SLC4A7: variants seen among roughly 807,000 people sequenced by gnomAD.
The protein encoded by SLC4A7 is solute carrier family 4 member 7.
Under a neutral mutation model 137.6 loss-of-function variants are expected in SLC4A7, and 51 were observed. The observed-to-expected ratio is 0.37, with a 90% CI of 0.30 to 0.47. The LOEUF is 0.47. Among genes scored for constraint, SLC4A7 ranks in the 20% least tolerant of loss-of-function variants. SLC4A7 has a pLI of 1.00. For synonymous variants in SLC4A7, 542 were observed against 518.6 expected, an observed-to-expected ratio of 1.05 and a Z score of -0.61; for missense variants, 1,247 against 1,525.4, an observed-to-expected ratio of 0.82 and a Z score of 3.04.
chr3:27,394,205 GAC>G (rs1438688666), intron 20 of SLC4A7, among the ~76,000 whole-genome samples: 1 of 151,978 alleles, frequency 6.6e-6, no homozygotes, highest in Non-Finnish European at 1.5e-5. Flanking sequence ...TTTTTATAGA[GAC>G]AGGGTCTCAT....
At chr3:27,420,622 A>G in intron 10 of SLC4A7, 78 bp downstream of exon 10, 1 of 860,328 alleles carries the variant, frequency 1.2e-6, no homozygotes. Context: ...ATGAAAGAAA[A>G]GAGAACTGTA....
intron 1 of SLC4A7, among the ~76,000 whole-genome samples, chr3:27,463,190 G>A (rs1030946111): frequency 1.3e-5 from 2 of 152,234 alleles, no homozygotes; most frequent in Non-Finnish European, 2.9e-5. Context: ...CACTTTGGGA[G>A]GTCAAGGAGG....
intron 16 of SLC4A7, 95 bp from the exon 17 acceptor site, chr3:27,398,448 G>GT: frequency 9.6e-7 from 1 of 1,047,040 alleles, no homozygotes; most frequent in Non-Finnish European, 1.4e-6. Context: ...GCAACTGATT[G>GT]TAAGAGGCAC....
intron 3 of SLC4A7, among the ~76,000 whole-genome samples, chr3:27,447,726 T>A (rs1228082995): frequency 6.8e-6 from 1 of 147,504 alleles, no homozygotes; most frequent in Admixed American, 7.0e-5. Context: ...CGTCATCAGA[T>A]AACAGTCTTG....
chr3:27,466,961 AGTTTT>A (rs774105638), intron 1 of SLC4A7, among the ~76,000 whole-genome samples: 20 of 152,322 alleles, frequency 1.3e-4, no homozygotes, highest in Non-Finnish European at 2.4e-4. Context: ...TGAGGAAGTT[AGTTTT>A]ATTTAGTATT....
At chr3:27,477,803 C>A (rs553678387) in intron 1 of SLC4A7, among the ~76,000 whole-genome samples, 1 of 152,026 alleles carries the variant, frequency 6.6e-6, no homozygotes, top group Admixed American at 6.6e-5. Context: ...TTAGTAGAGA[C>A]GGGGTTTCAC....
intron 1 of SLC4A7, among the ~76,000 whole-genome samples, chr3:27,483,396 T>G (rs2059798423): frequency 6.6e-6 from 1 of 152,130 alleles, no homozygotes; most frequent in South Asian, 2.1e-4. Context: ...TCCTTCTACT[T>G]GGCCTGCGGC....
chr3:27,484,358 C>T lies in SLC4A7; in HGVS notation c.-232G>A, dbSNP rs1289078748. The T allele has an allele frequency of 6.0e-6, 2 of 335,444 alleles. No homozygotes were observed. The highest frequency in any genetic ancestry group is 4.6e-5 in the East Asian group (1 of 21,886). 20.8% of individuals were successfully genotyped at this position (335,444 alleles called of 1,614,324 possible). A position where few individuals can be genotyped will look rare whatever the true frequency, so the allele number is the denominator to read the frequency against. ...GCTGGCTTTAGTAGGAGAGCGAGGCCGCGGCGTGGAACCTGAAGCTAGAAC... is the reference window on the plus strand; with the variant it reads ...GCTGGCTTTAGTAGGAGAGCGAGGCTGCGGCGTGGAACCTGAAGCTAGAAC... On this transcript the variant is annotated 5_prime_UTR_variant, in exon 1 of 26. Coordinates refer to ENST00000454389, the MANE Select transcript of SLC4A7 (RefSeq NM_001321103.2).
intron 1 of SLC4A7, among the ~76,000 whole-genome samples, chr3:27,454,257 G>A (rs889258444): frequency 3.3e-5 from 5 of 152,160 alleles, no homozygotes; most frequent in Admixed American, 6.5e-5. Context: ...CCTGAGGTCA[G>A]GAGTTTGACA....
At chr3:27,392,950 C>G (rs1296287088) in intron 20 of SLC4A7, among the ~76,000 whole-genome samples, 1 of 151,632 alleles carries the variant, frequency 6.6e-6, no homozygotes, top group South Asian at 2.1e-4. Context: ...AGACTGAAGA[C>G]CAATATAATG....
chr3:27,446,874 T>TG (rs1308699447), intron 3 of SLC4A7, among the ~76,000 whole-genome samples: 14 of 127,446 alleles, frequency 1.1e-4, no homozygotes, highest in East Asian at 2.4e-4. Context: ...AGTTTTTTTT[T>TG]GTTTTTTTTT....
At chr3:27,389,449 A>C (rs1186681220) in intron 22 of SLC4A7, among the ~76,000 whole-genome samples, 2 of 152,174 alleles carry the variant, frequency 1.3e-5, no homozygotes, top group Non-Finnish European at 1.5e-5. Context: ...CATAGCATTT[A>C]CAGAAGAATG....
chr3:27,435,486 A>C (rs1315544249), intron 5 of SLC4A7, among the ~76,000 whole-genome samples: 1 of 152,152 alleles, frequency 6.6e-6, no homozygotes, highest in Non-Finnish European at 1.5e-5. Flanking sequence ...TGTGTATCTC[A>C]TATCACACTA....
At chr3:27,471,192 C>T (rs990546031) in intron 1 of SLC4A7, among the ~76,000 whole-genome samples, 1 of 152,164 alleles carries the variant, frequency 6.6e-6, no homozygotes, top group Non-Finnish European at 1.5e-5. Context: ...TTTTCTAACA[C>T]TTATAATCCA....
rs1271505796 is a variant in SLC4A7 at position 27,431,349 on chromosome 3, C to A, written c.1099G>T (p.Ala367Ser). The A allele has an allele frequency of 2.5e-6, 4 of 1,611,080 alleles. No individual in the cohort carries two copies. Among genetic ancestry groups the A allele is most frequent in the Non-Finnish European group, 3.4e-6 (4 of 1,178,470 alleles). Residue 367 changes from alanine (A) to serine (S), a missense_variant, in exon 7 of 26, where the codon GCG (alanine) becomes TCG (serine). Physicochemically the swap from Ala to Ser is moderately conservative, Grantham distance 99. This residue lies in a region of SLC4A7 where 499 missense variants were observed against 664.2 expected (regional missense o/e 0.75). Coordinates refer to ENST00000454389, the MANE Select transcript of SLC4A7 (RefSeq NM_001321103.2). ...TTCTTCTGCTCCTCGCCTTTCAGCG[C>A]TGCTTCTAAGTCTTCCTCAGGCGGA... is the stretch of plus-strand genomic sequence containing the variant. Reference protein sequence around the residue: ...IHPPEEDLEAALKGEEQKNEE... With the variant: ...IHPPEEDLEASLKGEEQKNEE...
chr3:27,392,680 A>C (rs1188038235), intron 20 of SLC4A7, among the ~76,000 whole-genome samples: 1 of 151,998 alleles, frequency 6.6e-6, no homozygotes, highest in African/African-American at 2.4e-5. Flanking sequence ...CACAAAAATT[A>C]GCTGGGCATG....
chr3:27,402,473 G>A (rs1375160064), intron 15 of SLC4A7, among the ~76,000 whole-genome samples: 4 of 152,164 alleles, frequency 2.6e-5, no homozygotes, highest in East Asian at 1.9e-4. Flanking sequence ...GCCGAGGCAG[G>A]TGGATCACCT....
Position 27,373,138 on chromosome 3 carries a change from A to G in SLC4A7, c.*3626T>C, listed in dbSNP as rs1361507078. ...AACACAAAAACTAATCAGTGTGCAA[A>G]AATCTGATTAAAAAAACAAAACAAA... On this transcript the variant is annotated 3_prime_UTR_variant, in exon 26 of 26. Transcript: ENST00000454389. The G allele has an allele frequency of 1.3e-5, 2 of 151,794 alleles. No homozygotes were observed. The highest frequency in any genetic ancestry group is 2.4e-5 in the African/African-American group (1 of 41,350). 9.4% of individuals were successfully genotyped at this position (151,794 alleles called of 1,614,324 possible).
chr3:27,451,600 A>G (rs1004271178), intron 2 of SLC4A7, among the ~76,000 whole-genome samples: 4 of 152,114 alleles, frequency 2.6e-5, no homozygotes, highest in Non-Finnish European at 4.4e-5. Context: ...AAAGAATGAG[A>G]AACTGGTATA....
Sources: allele counts gnomAD v4.1 joint callset (sites outside exome capture counted in the v4.1 genomes callset), GRCh38; gene constraint gnomAD v4.1.1; regional missense constraint gnomAD v4.1.1; transcripts MANE v1.5; gene names NCBI Gene and HGNC (gene_info 2026-07-23, HGNC 2026-07-21).